CYBRD1: variants seen among roughly 807,000 people sequenced by gnomAD.
The protein encoded by CYBRD1 is cytochrome b reductase 1.
CYBRD1 carries 14 observed loss-of-function variants against 21.9 expected under a neutral mutation model. That is an observed-to-expected ratio of 0.64 (90% CI 0.42 to 1.00). The LOEUF is 1.00. Ranked by LOEUF, CYBRD1 falls within the 50% of genes least tolerant of loss-of-function variation. CYBRD1 has a pLI of 0.00. For missense variants in CYBRD1, 328 were observed against 352.5 expected, an observed-to-expected ratio of 0.93 and a Z score of 0.56; for synonymous variants, 146 against 136.5, an observed-to-expected ratio of 1.07 and a Z score of -0.48.
chr2:171,538,474 C>T (rs1233089192), intron 1 of CYBRD1, among the ~76,000 whole-genome samples: 2 of 152,006 alleles, frequency 1.3e-5, no homozygotes, highest in African/African-American at 4.8e-5. Context: ...GAAAAGATTC[C>T]TTGAATATAG....
At chr2:171,554,191 T>C (rs921444523) in intron 3 of CYBRD1, among the ~76,000 whole-genome samples, 2 of 152,144 alleles carry the variant, frequency 1.3e-5, no homozygotes, top group Admixed American at 6.6e-5. Context: ...TCGGGTCCTT[T>C]TGCTACTTAG....
At chr2:171,532,449 T>C (rs1455842652) in intron 1 of CYBRD1, among the ~76,000 whole-genome samples, 1 of 152,206 alleles carries the variant, frequency 6.6e-6, no homozygotes, top group Non-Finnish European at 1.5e-5. Flanking sequence ...GGCCATTTGG[T>C]CTTCTATTAG....
At chr2:171,523,222 G>A (rs1398966843) in intron 1 of CYBRD1, 4 of 387,554 alleles carry the variant, frequency 1.0e-5, no homozygotes, top group South Asian at 6.0e-5. Flanking sequence ...TGCTGAACTT[G>A]CTTCCAGGCT....
At chr2:171,541,274 A>G (rs537815554) in intron 1 of CYBRD1, 1 of 425,084 alleles carries the variant, frequency 2.4e-6, no homozygotes, top group Non-Finnish European at 4.4e-6. Flanking sequence ...TGGAGACAGC[A>G]TTTCAGTGAA....
At chr2:171,543,643 T>C (rs922513154) in intron 2 of CYBRD1, among the ~76,000 whole-genome samples, 4 of 152,208 alleles carry the variant, frequency 2.6e-5, no homozygotes, top group African/African-American at 7.2e-5. Flanking sequence ...ATAATATTGA[T>C]TAATTAAACA....
chr2:171,541,648 A>T lies in CYBRD1; in HGVS notation c.257A>T (p.His86Leu). The T allele has an allele frequency of 6.2e-7, 1 of 1,613,938 alleles. No individual in the cohort carries two copies. Among genetic ancestry groups the T allele is most frequent in the Non-Finnish European group, 8.5e-7 (1 of 1,179,978 alleles). The change falls in exon 2 of 4, where the codon CAT (histidine) becomes CTT (leucine). Residue 86 changes from histidine (H) to leucine (L), a missense_variant. Physicochemically the swap from His to Leu is moderately conservative, Grantham distance 99 (BLOSUM62 -3). Transcript: ENST00000321348. ...KCSKLLMKSI[H>L]AGLNAVAAIL... is the part of the protein sequence containing the mutation. ...AGCAAGCTCCTGATGAAATCCATCC[A>T]TGCAGGGTTAAATGCAGTTGCTGCC... is the stretch of plus-strand genomic sequence containing the variant.
intron 1 of CYBRD1, chr2:171,523,090 C>T (rs901849017): frequency 3.8e-5 from 13 of 340,226 alleles, no homozygotes; most frequent in Middle Eastern, 8.7e-4. Context: ...GAAACTTGAG[C>T]CCGGGCGCGA....
intron 1 of CYBRD1, among the ~76,000 whole-genome samples, chr2:171,525,234 G>T (rs774373962): frequency 6.6e-6 from 1 of 152,134 alleles, no homozygotes; most frequent in Non-Finnish European, 1.5e-5. Flanking sequence ...CACAGTACCC[G>T]GCCGATCTTG....
chr2:171,536,560 C>T (rs1697549168), intron 1 of CYBRD1, among the ~76,000 whole-genome samples: 1 of 152,158 alleles, frequency 6.6e-6, no homozygotes, highest in Admixed American at 6.5e-5. Context: ...CCCGCCTTGG[C>T]CTCCCAAAGT....
chr2:171,554,384 T>C, intron 3 of CYBRD1, 140 bp from the exon 4 acceptor site: 1 of 729,250 alleles, frequency 1.4e-6, no homozygotes, highest in South Asian at 2.0e-5. Context: ...GTAGCATAAT[T>C]TATATTTCTC....
chr2:171,526,923 G>A (rs929206128), intron 1 of CYBRD1, among the ~76,000 whole-genome samples: 2 of 152,122 alleles, frequency 1.3e-5, no homozygotes, highest in Non-Finnish European at 2.9e-5. Context: ...AGTTGATTTC[G>A]TGAGATAATA....
At position 171,555,842 on chromosome 2, in the gene CYBRD1, A is replaced by C. The variant is rs1683475940; in HGVS notation, c.*1015A>C. The C allele has an allele frequency of 6.6e-6, 1 of 152,168 alleles. No individual in the cohort carries two copies. Among genetic ancestry groups the C allele is most frequent in the Non-Finnish European group, 1.5e-5 (1 of 68,034 alleles). 9.4% of individuals were successfully genotyped at this position (152,168 alleles called of 1,614,324 possible). A position where few individuals can be genotyped will look rare whatever the true frequency, so the allele number is the denominator to read the frequency against. On this transcript the variant is annotated 3_prime_UTR_variant, in exon 4 of 4. Transcript: ENST00000321348. ...GGTCACACGGCTCATACATGGTGGG[A>C]CTGAGACTCAGATGCAGGCAGTCTG...
Position 171,554,553 on chromosome 2 carries a change from C to T in CYBRD1, c.587C>T (p.Pro196Leu), listed in dbSNP as rs1380555016. Residue 196 changes from proline (P) to leucine (L), a missense_variant, in exon 4 of 4, where the codon CCA (proline) becomes CTA (leucine). By Grantham distance (98) the Pro-to-Leu change is moderately conservative. Coordinates refer to ENST00000321348, the MANE Select transcript of CYBRD1 (RefSeq NM_024843.4). ...GATCCTGCATACAGTACATTCCCGCCAGAAGGTGTTTTCGTAAATACGCTT... is the reference window on the plus strand; with the variant it reads ...GATCCTGCATACAGTACATTCCCGCTAGAAGGTGTTTTCGTAAATACGCTT... Reference protein sequence around the residue: ...LRDPAYSTFPPEGVFVNTLGL... With the variant: ...LRDPAYSTFPLEGVFVNTLGL... 1.2e-6 allele frequency: 2 copies of T among 1,613,988 alleles called. No homozygotes were observed.
rs187634640 is a variant in CYBRD1 at position 171,549,110 on chromosome 2, G to A, written c.403-4236G>A. On this transcript the variant is annotated intron_variant, in intron 2 of 3. Coordinates refer to ENST00000321348, the MANE Select transcript of CYBRD1 (RefSeq NM_024843.4). ...TTATTTATTTATTTACTGAGACAGC[G>A]TCTCACCCTGTCGCCCAGGCTGGAG... 3.7e-3 allele frequency among the ~76,000 whole-genome samples: 565 copies of A among 152,200 alleles called. 6 individuals are homozygous for A. Among genetic ancestry groups the A allele is most frequent in the African/African-American group, 0.013 (522 of 41,532 alleles).
intron 2 of CYBRD1, among the ~76,000 whole-genome samples, chr2:171,542,519 G>C (rs927869001): frequency 5.3e-5 from 8 of 152,148 alleles, no homozygotes; most frequent in Admixed American, 2.6e-4. Flanking sequence ...GATCGAGAGA[G>C]AGAGAAATCA....
chr2:171,541,534 T>C (rs1197579689), intron 1 of CYBRD1, 51 bp from the exon 2 acceptor site: 1 of 1,563,562 alleles, frequency 6.4e-7, no homozygotes, highest in Non-Finnish European at 8.8e-7. Flanking sequence ...CATTTTGTGT[T>C]GTTTAAAAAA....
rs1683463309 is a variant in CYBRD1, at chr2:171,555,200, T to C, written c.*373T>C. 1 of 278,928 alleles carries C rather than the reference T, an allele frequency of 3.6e-6. No individual in the cohort carries two copies. Among genetic ancestry groups the C allele is most frequent in the Non-Finnish European group, 6.9e-6 (1 of 145,792 alleles). 17.3% of individuals were successfully genotyped at this position (278,928 alleles called of 1,614,324 possible). A position where few individuals can be genotyped will look rare whatever the true frequency, so the allele number is the denominator to read the frequency against. Reference sequence around the variant, plus strand: ...TGTCATGCAGTCATTTCCTGTTAATTCTGGGAGACAATGATTTCACAACTA... The same window carrying C: ...TGTCATGCAGTCATTTCCTGTTAATCCTGGGAGACAATGATTTCACAACTA... On this transcript the variant is annotated 3_prime_UTR_variant, in exon 4 of 4. Transcript: ENST00000321348.
intron 1 of CYBRD1, among the ~76,000 whole-genome samples, chr2:171,539,147 G>C (rs1157122767): frequency 6.6e-6 from 1 of 152,084 alleles, no homozygotes; most frequent in Non-Finnish European, 1.5e-5. Flanking sequence ...AATTATAAAA[G>C]CCTTTGGTGA....
At chr2:171,538,140 G>C (rs922105246) in intron 1 of CYBRD1, among the ~76,000 whole-genome samples, 1 of 152,066 alleles carries the variant, frequency 6.6e-6, no homozygotes, top group Admixed American at 6.6e-5. Flanking sequence ...AGCTGGGCGC[G>C]TATTCCCAGC....
Sources: allele counts gnomAD v4.1 joint callset (sites outside exome capture counted in the v4.1 genomes callset), GRCh38; gene constraint gnomAD v4.1.1; transcripts MANE v1.5; gene names NCBI Gene and HGNC (gene_info 2026-07-23, HGNC 2026-07-21).